Variants in SMAD7 observed in about 807,000 individuals in gnomAD.
The protein encoded by SMAD7 is SMAD family member 7.
Under a neutral mutation model 38.7 loss-of-function variants are expected in SMAD7, and 8 were observed. The observed-to-expected ratio is 0.21, with a 90% confidence interval of 0.12 to 0.37. The LOEUF (loss-of-function observed/expected upper bound fraction) is 0.37, where lower values mean the gene tolerates loss of function less well. Among genes scored for constraint, SMAD7 ranks in the 10% least tolerant of loss-of-function variants. The pLI, the probability that SMAD7 is intolerant of heterozygous loss-of-function variation, is 1.00. For synonymous variants in SMAD7, 327 were observed against 265.1 expected (o/e 1.23, Z -2.27); for missense variants, 477 against 577.9 (o/e 0.83, Z 1.79).
chr18:48,935,104 G>A (rs368558746), intron 3 of SMAD7, among the ~76,000 whole-genome samples: 1 of 152,164 alleles, frequency 6.6e-6, no homozygotes, highest in East Asian at 1.9e-4. Flanking sequence ...CTGAATCCAC[G>A]GGGCACCTTC....
chr18:48,934,418 C>T (rs1158398915), intron 3 of SMAD7, among the ~76,000 whole-genome samples: 1 of 151,202 alleles, frequency 6.6e-6, no homozygotes, highest in Non-Finnish European at 1.5e-5. Context: ...GGTAAAAAGG[C>T]TAAAGGCGTG....
chr18:48,922,818 C>T (rs113712841), intron 3 of SMAD7, among the ~76,000 whole-genome samples: 88 of 152,216 alleles, frequency 5.8e-4, no homozygotes, highest in African/African-American at 1.9e-3. Context: ...TGCAGGGCGC[C>T]CTGCTCCGCC....
chr18:48,941,489 C>G (rs904558741), intron 3 of SMAD7, among the ~76,000 whole-genome samples: 13 of 152,112 alleles, frequency 8.5e-5, no homozygotes, highest in Non-Finnish European at 1.5e-4. Flanking sequence ...GCAGGTACCC[C>G]ACAAAAAAGG....
At chr18:48,948,330 A>T in intron 2 of SMAD7, 54 bp downstream of exon 2, 1 of 1,294,096 alleles carries the variant, frequency 7.7e-7, no homozygotes, top group Non-Finnish European at 1.1e-6. Context: ...CACGTTCTAG[A>T]GGCTCTATTT....
intron 3 of SMAD7, chr18:48,930,260 C>G (rs1019025974): frequency 6.6e-6 from 1 of 152,506 alleles, no homozygotes; most frequent in Non-Finnish European, 1.5e-5. Context: ...TGTCTGCCTC[C>G]GTAATCTAAT....
At position 48,949,998 on chromosome 18, in the gene SMAD7, C is replaced by T. The variant is rs1162071323; in HGVS notation, c.427G>A (p.Gly143Ser). The T allele has an allele frequency of 1.3e-6, 2 of 1,583,812 alleles. No individual in the cohort carries two copies. Among genetic ancestry groups the T allele is most frequent in the East Asian group, 2.4e-5 (1 of 41,438 alleles). Reference sequence around the variant, plus strand: ...GAGGGCGGCTGCGCAGGCTGCGCGCCGGCGGGCGCCCCCGGGCCCAGCCTG... The same window carrying T: ...GAGGGCGGCTGCGCAGGCTGCGCGCTGGCGGGCGCCCCCGGGCCCAGCCTG... ...DCRLGPGAPA[G>S]AQPAQPPSSY... Residue 143 changes from glycine (G) to serine (S), a missense_variant, in exon 1 of 4, where the codon GGC (glycine) becomes AGC (serine). By Grantham distance (56) the Gly-to-Ser change is moderately conservative (BLOSUM62 0). Transcript: ENST00000262158.
At chr18:48,928,641 A>G (rs201438218) in intron 3 of SMAD7, among the ~76,000 whole-genome samples, 6 of 152,102 alleles carry the variant, frequency 3.9e-5, no homozygotes, top group Non-Finnish European at 7.4e-5. Flanking sequence ...CCAAGCCTAC[A>G]TATTTCGCAG....
chr18:48,936,066 C>T (rs1218564474), intron 3 of SMAD7, among the ~76,000 whole-genome samples: 1 of 148,770 alleles, frequency 6.7e-6, no homozygotes, highest in African/African-American at 2.5e-5. Flanking sequence ...CAGAGTGAGA[C>T]TCCATCTCAA....
intron 2 of SMAD7, among the ~76,000 whole-genome samples, chr18:48,943,043 C>A (rs2070159862): frequency 6.6e-6 from 1 of 152,182 alleles, no homozygotes; most frequent in African/African-American, 2.4e-5. Context: ...GACTTCTTTC[C>A]CCTTTTTTAA....
At chr18:48,924,548 AC>A (rs2143758597) in intron 3 of SMAD7, among the ~76,000 whole-genome samples, 1 of 152,174 alleles carries the variant, frequency 6.6e-6, no homozygotes, top group Non-Finnish European at 1.5e-5. Flanking sequence ...GCTGCCAGAC[AC>A]CCCCTGGAAA....
Position 48,932,319 on chromosome 18 carries a change from C to T in SMAD7, c.742+10162G>A, listed in dbSNP as rs918320196. The stretch of plus-strand genomic sequence containing the variant: ...AAAATGCAGACAGCTAATCTGCCAA[C>T]GGCACAGTCATATCTTGGCGTCTTA... On this transcript the variant is annotated intron_variant, in intron 3 of 3. Coordinates refer to ENST00000262158, the MANE Select transcript of SMAD7 (RefSeq NM_005904.4). 2.6e-5 allele frequency among the ~76,000 whole-genome samples: 4 copies of T among 152,160 alleles called. No individual in the cohort carries two copies. The East Asian group carries it at 5.8e-4, about 22-fold the overall frequency.
rs769558406 is a variant in SMAD7 at position 48,921,600 on chromosome 18, G to A, written c.1053C>T (p.Asp351=). 7 of 1,613,874 alleles carry A rather than the reference G, an allele frequency of 4.3e-6. No homozygotes were observed. Among genetic ancestry groups the A allele is most frequent in the African/African-American group, 4.0e-5 (3 of 75,060 alleles). Reference sequence around the variant, plus strand: ...CCTTGTGTACCAACAGCGTCCTGGAGTCCGGGTTGTCCAGTGTGGCGGACT... The same window carrying A: ...CCTTGTGTACCAACAGCGTCCTGGAATCCGGGTTGTCCAGTGTGGCGGACT... The part of the protein sequence containing the change: ...FIKSATLDNP[D]SRTLLVHKVF... Residue 351 remains aspartate, a synonymous_variant, in exon 4 of 4, where the codon GAC becomes GAT. Coordinates refer to ENST00000262158, the MANE Select transcript of SMAD7 (RefSeq NM_005904.4). The surrounding 1 kb of genome is among the most constrained non-coding windows in gnomAD (Gnocchi z 6.4).
In SMAD7 at chr18:48,939,906, T is replaced by C. The variant is rs569866898; in HGVS notation, c.742+2575A>G. ...CTGCCACATCCAGTCACTGGCCTCA[T>C]CCACAGCAAGGCAGACACACCCAGG... is the stretch of plus-strand genomic sequence containing the variant. On this transcript the variant is annotated intron_variant, in intron 3 of 3. Coordinates refer to ENST00000262158, the MANE Select transcript of SMAD7 (RefSeq NM_005904.4). Among the ~76,000 whole-genome samples the C allele has an allele frequency of 1.3e-3, 181 of 140,366 alleles. 8 individuals carry two copies. In the South Asian group the frequency reaches 0.041, roughly 32 times the overall value. The allele number at this position is 140,366 out of a possible 152,430, so 92.1% of individuals were successfully genotyped here. A position where few individuals can be genotyped will look rare whatever the true frequency, so the allele number is the denominator to read the frequency against.
At chr18:48,931,158 G>A (rs982487478) in intron 3 of SMAD7, among the ~76,000 whole-genome samples, 1 of 152,150 alleles carries the variant, frequency 6.6e-6, no homozygotes, top group African/African-American at 2.4e-5. Context: ...CCAAGTGCTG[G>A]GGGAGGGGAG....
At chr18:48,938,820 G>T (rs1174656352) in intron 3 of SMAD7, among the ~76,000 whole-genome samples, 1 of 152,162 alleles carries the variant, frequency 6.6e-6, no homozygotes, top group Non-Finnish European at 1.5e-5. Context: ...GAGCCTAGAG[G>T]CTTCCCAGCT....
intron 3 of SMAD7, among the ~76,000 whole-genome samples, chr18:48,931,928 G>C (rs151026951): frequency 2.4e-3 from 365 of 152,276 alleles, no homozygotes; most frequent in African/African-American, 8.1e-3. Context: ...AGGTGGGGGG[G>C]CTTCTGAGTT....
chr18:48,930,727 G>A (rs898967877), intron 3 of SMAD7, among the ~76,000 whole-genome samples: 2 of 151,990 alleles, frequency 1.3e-5, no homozygotes, highest in East Asian at 1.9e-4. Context: ...GCCGACACAT[G>A]AGGCACAAGT....
In SMAD7 at chr18:48,949,957, G is replaced by T; in HGVS notation, c.468C>A (p.Pro156=). 6.2e-7 allele frequency: 1 copy of T among 1,611,274 alleles called. No homozygotes were observed. The highest frequency in any genetic ancestry group is 8.5e-7 in the Non-Finnish European group (1 of 1,179,032). Residue 156 remains proline, a synonymous_variant, in exon 1 of 4, where the codon CCC becomes CCA. Coordinates refer to ENST00000262158, the MANE Select transcript of SMAD7 (RefSeq NM_005904.4). ...ACCTGAACACTTTGCACAGCAGGAG[G>T]GGGAGCGAGTAGGACGAGGGCGGCT... ...PAQPPSSYSL[P]LLLCKVFRWP...
chr18:48,947,631 T>C (rs561843032), intron 2 of SMAD7, among the ~76,000 whole-genome samples: 122 of 152,324 alleles, frequency 8.0e-4, no homozygotes, highest in African/African-American at 2.8e-3. Context: ...CACCCCCAAG[T>C]TCATTTTGCT....
Sources: gnomAD v4.1 joint callset for allele counts (sites outside exome capture counted in the v4.1 genomes callset) on GRCh38, gnomAD v4.1.1 for gene constraint, Gnocchi (gnomAD v3.1) non-coding constraint, MANE v1.5 for transcripts, NCBI Gene and HGNC (gene_info 2026-07-23, HGNC 2026-07-21) for gene names.